The following ZNF536 variants were observed in gnomAD, a reference collection of about 807,000 sequenced individuals.
The protein encoded by ZNF536 is zinc finger protein 536.
Under a neutral mutation model 84.5 loss-of-function variants are expected in ZNF536, and 13 were observed. The ratio of observed to expected loss-of-function variants is 0.15; its 90% CI spans 0.10 to 0.24. The LOEUF (loss-of-function observed/expected upper bound fraction) is 0.24, where lower values mean the gene tolerates loss of function less well. ZNF536 is among the 10% of genes least tolerant of loss of function. ZNF536 has a pLI of 1.00. For missense variants in ZNF536, 1,536 were observed against 1,747.5 expected (o/e 0.88, Z 2.16); for synonymous variants, 811 against 742.5 (o/e 1.09, Z -1.50).
chr19:30,619,539 G>C (rs900281158), intron 1 of ZNF536, among the ~76,000 whole-genome samples: 1 of 152,190 alleles, frequency 6.6e-6, no homozygotes, highest in African/African-American at 2.4e-5. Flanking sequence ...AGCAATGAGG[G>C]ATGAAGTAGA....
At position 30,445,986 on chromosome 19, in the gene ZNF536, G is replaced by T. The variant is rs1600763793; in HGVS notation, c.2170+254G>T. Among the ~76,000 whole-genome samples the T allele has an allele frequency of 6.6e-6, 1 of 152,056 alleles. No homozygotes were observed. The highest frequency in any genetic ancestry group is 1.9e-4 in the East Asian group (1 of 5,178). ...GTTGAGGCCGGGTGTGGTGGCTCAC[G>T]CCTGTAATCCCAGCACTTTGGGCGC... is the stretch of plus-strand genomic sequence containing the variant. On this transcript the variant is annotated intron_variant, in intron 2 of 4. Coordinates refer to ENST00000355537, the MANE Select transcript of ZNF536 (RefSeq NM_014717.3). The surrounding 1 kb of genome is among the most constrained non-coding windows in gnomAD (Gnocchi z 4.5).
intron 1 of ZNF536, among the ~76,000 whole-genome samples, chr19:30,282,327 T>C (rs1013541761): frequency 1.3e-5 from 2 of 152,230 alleles, no homozygotes; most frequent in African/African-American, 4.8e-5. Context: ...CAGCCTCCAA[T>C]GTAGCCACGA....
At chr19:30,348,504 C>T (rs1189172917) in intron 2 of ZNF536, among the ~76,000 whole-genome samples, 2 of 152,170 alleles carry the variant, frequency 1.3e-5, no homozygotes, top group African/African-American at 4.8e-5. Context: ...TTTGTGGGCA[C>T]CCCTGTGGGT....
chr19:30,454,733 C>A (rs1466420752), intron 2 of ZNF536, among the ~76,000 whole-genome samples: 1 of 152,110 alleles, frequency 6.6e-6, no homozygotes, highest in Non-Finnish European at 1.5e-5. Flanking sequence ...TAGTGACCTT[C>A]AAAACCTTTC....
chr19:30,638,104 T>C (rs2049137672), intron 1 of ZNF536, among the ~76,000 whole-genome samples: 1 of 152,098 alleles, frequency 6.6e-6, no homozygotes, highest in Non-Finnish European at 1.5e-5. Flanking sequence ...GCTCCAGATC[T>C]GTTGTGTTGA....
chr19:30,324,164 T>G (rs1036209932), intron 2 of ZNF536, among the ~76,000 whole-genome samples: 1 of 151,798 alleles, frequency 6.6e-6, no homozygotes, highest in Non-Finnish European at 1.5e-5. Flanking sequence ...CATCCACCCA[T>G]CCATTCATCA....
At chr19:30,698,320 A>G (rs2051751557) in intron 1 of ZNF536, among the ~76,000 whole-genome samples, 1 of 152,122 alleles carries the variant, frequency 6.6e-6, no homozygotes, top group South Asian at 2.1e-4. Context: ...TGCATAGATA[A>G]TACAGAGAAC....
At chr19:30,310,069 C>G (rs1160351869) in intron 2 of ZNF536, among the ~76,000 whole-genome samples, 1 of 152,134 alleles carries the variant, frequency 6.6e-6, no homozygotes, top group African/African-American at 2.4e-5. Context: ...CTCCATAGGT[C>G]TCTCCCAGGG....
At chr19:30,541,528 G>C (rs1426048180) in intron 3 of ZNF536, among the ~76,000 whole-genome samples, 1 of 151,856 alleles carries the variant, frequency 6.6e-6, no homozygotes, top group Non-Finnish European at 1.5e-5. Context: ...CCCTATCCTT[G>C]CTTTTCCTGC....
At position 30,271,289 on chromosome 19, in the gene ZNF536, TTTTTC is replaced by T. The variant is rs1386912655; in HGVS notation, c.-189-12773_-189-12769del. Among the ~76,000 whole-genome samples the T allele has an allele frequency of 3.4e-3, 457 of 134,798 alleles. 3 individuals carry two copies. Among genetic ancestry groups the T allele is most frequent in the East Asian group, 0.014 (59 of 4,304 alleles). 88.4% of individuals were successfully genotyped at this position (134,798 alleles called of 152,430 possible). On this transcript the variant is annotated intron_variant, in intron 1 of 5. Transcript: ENST00000585628. The stretch of plus-strand genomic sequence containing the variant: ...TGCTTCTGGAAGCTTTCCCTGTGTT[TTTTTC>T]TTTTCTTTTTTTTTTTTTTTTTTTT...
At chr19:30,651,602 C>A (rs2049709017) in intron 1 of ZNF536, among the ~76,000 whole-genome samples, 2 of 152,156 alleles carry the variant, frequency 1.3e-5, no homozygotes, top group Admixed American at 1.3e-4. Context: ...ACCTATTCTG[C>A]AGACCCCAAA....
chr19:30,566,828 C>T lies in ZNF536; in HGVS notation c.169+17314C>T, dbSNP rs115522424. Among the ~76,000 whole-genome samples, 811 of 149,704 alleles carry T rather than the reference C, an allele frequency of 5.4e-3. 8 individuals are homozygous for T. Among genetic ancestry groups the T allele is most frequent in the African/African-American group, 0.019 (753 of 40,490 alleles). On this transcript the variant is annotated intron_variant, in intron 1 of 1. Coordinates refer to the ZNF536 transcript ENST00000592773. ...TGGAGGTCCCCACATGTGGCCTCTC[C>T]GGGTAGTGGGGGTCCCTGCATGTGG...
At chr19:30,473,075 A>G (rs1294849985) in intron 2 of ZNF536, among the ~76,000 whole-genome samples, 1 of 151,100 alleles carries the variant, frequency 6.6e-6, no homozygotes, top group Non-Finnish European at 1.5e-5. Flanking sequence ...GCGTGGTGGC[A>G]CACACCTATA....
intron 1 of ZNF536, among the ~76,000 whole-genome samples, chr19:30,669,583 G>A (rs1486357694): frequency 6.6e-6 from 1 of 152,156 alleles, no homozygotes; most frequent in Non-Finnish European, 1.5e-5. Context: ...CTCCTGCTGC[G>A]GGGACCTGAA....
In ZNF536 at chr19:30,266,623, T is replaced by A. The variant is rs180935623; in HGVS notation, c.-189-17449T>A. 1.6e-3 allele frequency among the ~76,000 whole-genome samples: 248 copies of A among 152,304 alleles called. 1 individual carries two copies. Among genetic ancestry groups the A allele is most frequent in the Admixed American group, 4.0e-3 (61 of 15,300 alleles). ...CAGGATATTAAAAAGAAAATTTTTT[T>A]AAGGAGGTTGGAATGTCAAGATCAT... On this transcript the variant is annotated intron_variant, in intron 1 of 5. Transcript: ENST00000585628.
chr19:30,348,508 T>C (rs921341028), intron 2 of ZNF536, among the ~76,000 whole-genome samples: 1 of 152,190 alleles, frequency 6.6e-6, no homozygotes, highest in Admixed American at 6.5e-5. Context: ...TGGGCACCCC[T>C]GTGGGTCCCC....
intron 1 of ZNF536, among the ~76,000 whole-genome samples, chr19:30,695,448 G>T (rs1477533677): frequency 2.6e-5 from 4 of 152,228 alleles, no homozygotes; most frequent in African/African-American, 4.8e-5. Context: ...GTGCCTAATT[G>T]TGTGGTGCCA....
intron 2 of ZNF536, among the ~76,000 whole-genome samples, chr19:30,335,114 G>A (rs991141459): frequency 6.6e-6 from 1 of 152,234 alleles, no homozygotes. Flanking sequence ...TGGGGACACA[G>A]AGGAGTCACG....
chr19:30,556,345 CA>C (rs2045964948), intron 4 of ZNF536: 1 of 152,336 alleles, frequency 6.6e-6, no homozygotes, highest in Non-Finnish European at 1.5e-5. Flanking sequence ...GAGGGACAAA[CA>C]CAGGCGATGT....
Sources: gnomAD v4.1 joint callset for allele counts (sites outside exome capture counted in the v4.1 genomes callset) on GRCh38, gnomAD v4.1.1 for gene constraint, Gnocchi (gnomAD v3.1) non-coding constraint, MANE v1.5 for transcripts, NCBI Gene and HGNC (gene_info 2026-07-23, HGNC 2026-07-21) for gene names.